The following CORIN variants were observed in gnomAD, a reference collection of about 807,000 sequenced individuals.
CORIN encodes the protein atrial natriuretic peptide-converting enzyme.
Under a neutral mutation model 125.3 loss-of-function variants are expected in CORIN, and 117 were observed. The ratio of observed to expected loss-of-function variants is 0.93; its 90% CI spans 0.80 to 1.09. CORIN has a LOEUF of 1.09. Among genes scored for constraint, CORIN ranks in the 50% least tolerant of loss-of-function variants. The pLI, the probability that CORIN is intolerant of heterozygous loss-of-function variation, is 0.00. For synonymous variants in CORIN, 450 were observed against 466.4 expected (o/e 0.96, Z 0.45); for missense variants, 1,253 against 1,306.7 (o/e 0.96, Z 0.63).
Position 47,643,239 on chromosome 4 carries a change from C to T in CORIN, c.1975G>A (p.Glu659Lys). 6.3e-7 allele frequency: 1 copy of T among 1,597,152 alleles called. No homozygotes were observed. The highest frequency in any genetic ancestry group is 8.5e-7 in the Non-Finnish European group (1 of 1,171,560). ...EKNCSFCQDD[E>K]LECANHACVS... ...CACGCATGGTTTGCACATTCCAGCTCATCATCTTGGCAAAATGCTGGCATG... is the reference window on the plus strand; with the variant it reads ...CACGCATGGTTTGCACATTCCAGCTTATCATCTTGGCAAAATGCTGGCATG... Residue 659 changes from glutamate to lysine, a missense_variant, in exon 15 of 22, where the codon GAG becomes AAG. Glu to Lys is a moderately conservative substitution (Grantham distance 56). Transcript: ENST00000273857.
At position 47,674,386 on chromosome 4, in the gene CORIN, T is replaced by A; in HGVS notation, c.1357+7A>T. 2 of 1,579,480 alleles carry A rather than the reference T, an allele frequency of 1.3e-6. No homozygotes were observed. The highest frequency in any genetic ancestry group is 2.2e-5 in the South Asian group (2 of 90,298). ...TGGCTATTGCATTTGTCAGCTGTTG[T>A]ACTTACTACAGTTATTCAGACTGTT... On this transcript the variant is annotated splice_region_variant and intron_variant, in intron 10 of 21. Transcript: ENST00000273857.
rs779059739 is a variant in CORIN, at chr4:47,786,708, A to G, written c.409+17T>C. 2 of 1,605,472 alleles carry G rather than the reference A, an allele frequency of 1.2e-6. No individual in the cohort carries two copies. The highest frequency in any genetic ancestry group is 8.5e-7 in the Non-Finnish European group (1 of 1,172,174). On this transcript the variant is annotated intron_variant, in intron 3 of 21. Coordinates refer to ENST00000273857, the MANE Select transcript of CORIN (RefSeq NM_006587.4). ...GGGACATTAAAAGCCTCTAGCATGT[A>G]TCACCTTTGGACTTACTTGTATTCC...
chr4:47,609,090 T>G (rs895449706), intron 19 of CORIN, among the ~76,000 whole-genome samples: 1 of 152,160 alleles, frequency 6.6e-6, no homozygotes, highest in South Asian at 2.1e-4. Context: ...AGAAATAGCA[T>G]AGCTAAGTGG....
intron 19 of CORIN, among the ~76,000 whole-genome samples, chr4:47,616,305 C>CATATTAATATTCACATACT (rs1560473709): frequency 3.3e-5 from 5 of 151,482 alleles, no homozygotes; most frequent in African/African-American, 9.7e-5. Context: ...ATTCACATAC[C>CATATTAATATTCACATACT]TTATATTCAT....
intron 3 of CORIN, among the ~76,000 whole-genome samples, chr4:47,783,292 C>T (rs1730633372): frequency 6.6e-6 from 1 of 152,122 alleles, no homozygotes; most frequent in East Asian, 1.9e-4. Flanking sequence ...TAACTATGGG[C>T]CTTTTCCTTT....
At chr4:47,707,681 A>C (rs1726640101) in intron 5 of CORIN, among the ~76,000 whole-genome samples, 1 of 152,216 alleles carries the variant, frequency 6.6e-6, no homozygotes, top group African/African-American at 2.4e-5. Context: ...TCTACTTTTT[A>C]AAAGACATTA....
intron 4 of CORIN, among the ~76,000 whole-genome samples, chr4:47,748,572 A>C (rs1728764683): frequency 6.6e-6 from 1 of 152,190 alleles, no homozygotes; most frequent in South Asian, 2.1e-4. Context: ...TGTTCTCACT[A>C]GGAAGGCTGT....
At chr4:47,723,913 G>A (rs180840487) in intron 5 of CORIN, among the ~76,000 whole-genome samples, 22 of 149,896 alleles carry the variant, frequency 1.5e-4, no homozygotes, top group South Asian at 6.3e-4. Context: ...GGAGAACGGC[G>A]TGAACCTGGA....
intron 13 of CORIN, among the ~76,000 whole-genome samples, chr4:47,649,201 A>G (rs986994936): frequency 6.6e-6 from 1 of 152,226 alleles, no homozygotes; most frequent in African/African-American, 2.4e-5. Flanking sequence ...CTCCCGTGAA[A>G]GAGGCAGGAT....
intron 5 of CORIN, among the ~76,000 whole-genome samples, chr4:47,724,582 A>G (rs1727502297): frequency 6.6e-6 from 1 of 152,210 alleles, no homozygotes; most frequent in African/African-American, 2.4e-5. Flanking sequence ...CAGAACCCAG[A>G]TAAGATAAAC....
intron 12 of CORIN, among the ~76,000 whole-genome samples, chr4:47,658,675 G>A (rs1351859411): frequency 6.6e-6 from 1 of 152,232 alleles, no homozygotes; most frequent in African/African-American, 2.4e-5. Context: ...CTAGGCCTTA[G>A]GGTCTGTGAT....
chr4:47,660,385 G>A (rs1218059415), intron 12 of CORIN, among the ~76,000 whole-genome samples: 1 of 152,062 alleles, frequency 6.6e-6, no homozygotes, highest in African/African-American at 2.4e-5. Flanking sequence ...AAAGTGAAGA[G>A]ACAACTCACA....
In CORIN at chr4:47,768,862, C is replaced by T. The variant is rs114302708; in HGVS notation, c.410-5276G>A. Among the ~76,000 whole-genome samples the T allele has an allele frequency of 2.0e-3, 311 of 152,318 alleles. 1 individual carries two copies. Among genetic ancestry groups the T allele is most frequent in the African/African-American group, 7.1e-3 (296 of 41,560 alleles). ...CCATCTACGACAAACCCACAGCTAACAACATATGCAATGGGAAAAGAGAAA... is the reference window on the plus strand; with the variant it reads ...CCATCTACGACAAACCCACAGCTAATAACATATGCAATGGGAAAAGAGAAA... On this transcript the variant is annotated intron_variant, in intron 3 of 21. Transcript: ENST00000273857.
intron 3 of CORIN, among the ~76,000 whole-genome samples, chr4:47,773,736 C>T (rs531126085): frequency 2.0e-4 from 31 of 151,998 alleles, no homozygotes; most frequent in African/African-American, 7.0e-4. Context: ...CATGTCATTT[C>T]TTTCTTTTAA....
At chr4:47,619,521 A>T (rs1419859828) in intron 19 of CORIN, among the ~76,000 whole-genome samples, 1 of 152,246 alleles carries the variant, frequency 6.6e-6, no homozygotes, top group Non-Finnish European at 1.5e-5. Context: ...AAGCTTGTTT[A>T]AAGTGGGGCA....
intron 5 of CORIN, among the ~76,000 whole-genome samples, chr4:47,693,495 A>AGCTACTCTAT (rs1424818462): frequency 6.6e-6 from 1 of 152,242 alleles, no homozygotes; most frequent in Non-Finnish European, 1.5e-5. Flanking sequence ...CTTTCTAAAA[A>AGCTACTCTAT]GCTACTCTAT....
At chr4:47,654,546 C>T (rs1188042823) in intron 12 of CORIN, among the ~76,000 whole-genome samples, 1 of 152,192 alleles carries the variant, frequency 6.6e-6, no homozygotes, top group Non-Finnish European at 1.5e-5. Context: ...CATTGGAACT[C>T]AGTGCTGTCC....
intron 5 of CORIN, among the ~76,000 whole-genome samples, chr4:47,730,226 G>A (rs1296713912): frequency 1.3e-5 from 2 of 152,072 alleles, no homozygotes; most frequent in African/African-American, 4.8e-5. Context: ...TGTAATCCCA[G>A]CACTTTGGGA....
chr4:47,769,911 T>C lies in CORIN; in HGVS notation c.410-6325A>G, dbSNP rs568325216. 4.6e-5 allele frequency among the ~76,000 whole-genome samples: 7 copies of C among 152,230 alleles called. No individual in the cohort carries two copies. The South Asian group carries it at 1.4e-3, about 32-fold the overall frequency. On this transcript the variant is annotated intron_variant, in intron 3 of 21. Coordinates refer to ENST00000273857, the MANE Select transcript of CORIN (RefSeq NM_006587.4). ...GTAAAACCTAAAACTATAACACTAC[T>C]AGAAGAATACATAGGGGGAAAGCTC...
Sources: allele counts gnomAD v4.1 joint callset (sites outside exome capture counted in the v4.1 genomes callset), GRCh38; gene constraint gnomAD v4.1.1; transcripts MANE v1.5; gene names NCBI Gene and HGNC (gene_info 2026-07-23, HGNC 2026-07-21).